Variants in EHBP1L1 observed in about 807,000 individuals in gnomAD.
EHBP1L1 encodes EH domain binding protein 1 like 1, also known as EH domain-binding protein 1-like protein 1.
In EHBP1L1, 122 loss-of-function variants were observed where a neutral mutation model predicts 151.1. That is an observed-to-expected ratio of 0.81 (90% CI 0.70 to 0.94). The LOEUF (loss-of-function observed/expected upper bound fraction) is 0.94. EHBP1L1 is among the 40% of genes least tolerant of loss of function. The pLI is 0.00. For synonymous variants in EHBP1L1, 878 were observed against 810.1 expected, an observed-to-expected ratio of 1.08 and a Z score of -1.42; for missense variants, 1,941 against 1,959.8, an observed-to-expected ratio of 0.99 and a Z score of 0.18.
At position 65,584,346 on chromosome 11, in the gene EHBP1L1, C is replaced by T. The variant is rs367938554; in HGVS notation, c.3199C>T (p.Arg1067Cys). ...CATCACCAACTTCACCACATCCTGG[C>T]GCAACGGCTTGGCCTTCTGTGCCAT... ...VRITNFTTSW[R>C]NGLAFCAILH... The change falls in exon 10 of 19, where the codon CGC (arginine) becomes TGC (cysteine). Residue 1067 changes from arginine (R) to cysteine (C), a missense_variant. Physicochemically the swap from Arg to Cys is radical, Grantham distance 180 (BLOSUM62 -3). Coordinates refer to ENST00000309295, the MANE Select transcript of EHBP1L1 (RefSeq NM_001099409.3). 43 of 1,610,214 alleles carry T rather than the reference C, an allele frequency of 2.7e-5. No individual in the cohort carries two copies. The highest frequency in any genetic ancestry group is 1.7e-4 in the Middle Eastern group (1 of 6,060).
At chr11:65,576,730 G>T (rs1186420247) in intron 1 of EHBP1L1, among the ~76,000 whole-genome samples, 1 of 152,158 alleles carries the variant, frequency 6.6e-6, no homozygotes, top group East Asian at 1.9e-4. Flanking sequence ...AGGTGGTTCA[G>T]GGTGGCATTG....
intron 11 of EHBP1L1, 32 bp from the exon 12 acceptor site, chr11:65,584,927 C>T (rs1432111700): frequency 2.9e-5 from 45 of 1,529,482 alleles, no homozygotes; most frequent in Non-Finnish European, 3.8e-5. Context: ...GGGCCACCGC[C>T]GCCGCTGACC....
Position 65,592,339 on chromosome 11 carries a change from C to G in EHBP1L1, c.*37C>G, listed in dbSNP as rs551987778. 472 of 1,349,910 alleles carry G rather than the reference C, an allele frequency of 3.5e-4. 6 individuals are homozygous for G. In the East Asian group the frequency reaches 0.015, roughly 43 times the overall value. The allele number at this position is 1,349,910 out of a possible 1,614,324, so 83.6% of individuals were successfully genotyped here. ...CGGGTGGCCCATAACTTCTCGCGTC[C>G]CCGGCGTCCGCCGCCGCCCCGGGCC... On this transcript the variant is annotated 3_prime_UTR_variant, in exon 19 of 19. Coordinates refer to ENST00000309295, the MANE Select transcript of EHBP1L1 (RefSeq NM_001099409.3).
Position 65,592,404 on chromosome 11 carries a change from G to A in EHBP1L1, c.*102G>A. On this transcript the variant is annotated 3_prime_UTR_variant, in exon 19 of 19. Transcript: ENST00000309295. ...CCCGGCCGTCCCGGAGGCCGCGCGC[G>A]TGTCCGCTAGGGGCCGCCGGCGCCC... The A allele has an allele frequency of 4.4e-6, 4 of 901,678 alleles. No homozygotes were observed. The highest frequency in any genetic ancestry group is 5.5e-6 in the Non-Finnish European group (4 of 727,322). The allele number at this position is 901,678 out of a possible 1,614,324, so 55.9% of individuals were successfully genotyped here.
rs1441493612 is a variant in EHBP1L1, at chr11:65,582,512, A to G, written c.1840A>G (p.Arg614Gly). 2 of 1,613,390 alleles carry G rather than the reference A, an allele frequency of 1.2e-6. No homozygotes were observed. The highest frequency in any genetic ancestry group is 1.7e-6 in the Non-Finnish European group (2 of 1,179,832). Reference protein sequence around the residue: ...ILGALEKEAARSRVLESEVAG... With the variant: ...ILGALEKEAAGSRVLESEVAG... Reference sequence around the variant, plus strand: ...GGGGGCCTTGGAGAAAGAAGCAGCAAGATCAAGGGTCCTGGAGTCAGAGGT... The same window carrying G: ...GGGGGCCTTGGAGAAAGAAGCAGCAGGATCAAGGGTCCTGGAGTCAGAGGT... Residue 614 changes from arginine (R) to glycine (G), a missense_variant, in exon 9 of 19, where the codon AGA becomes GGA. Transcript: ENST00000309295.
In EHBP1L1 at chr11:65,584,359, CCTT is replaced by C; in HGVS notation, c.3215_3217del (p.Phe1072del). 3.1e-6 allele frequency: 5 copies of C among 1,609,710 alleles called. No individual in the cohort carries two copies. Among genetic ancestry groups the C allele is most frequent in the South Asian group, 1.1e-5 (1 of 90,818 alleles). ...ACCACATCCTGGCGCAACGGCTTGGCCTTCTGTGCCATCCTGCACCGATTCTAC... is the reference window on the plus strand; with the variant it reads ...ACCACATCCTGGCGCAACGGCTTGGCCTGTGCCATCCTGCACCGATTCTAC... On this transcript the variant is annotated inframe_deletion, in exon 10 of 19. Coordinates refer to ENST00000309295, the MANE Select transcript of EHBP1L1 (RefSeq NM_001099409.3).
At chr11:65,576,515 C>T in intron 1 of EHBP1L1, 109 bp downstream of exon 1, 2 of 968,266 alleles carry the variant, frequency 2.1e-6, no homozygotes, top group Non-Finnish European at 1.5e-6. Context: ...AATGGGCCCC[C>T]ACCCCAGCTT....
chr11:65,583,907 C>T, intron 9 of EHBP1L1, 142 bp downstream of exon 9: 1 of 1,416,760 alleles, frequency 7.1e-7, no homozygotes, highest in Non-Finnish European at 9.2e-7. Flanking sequence ...CCCCTCATCC[C>T]CTCCTCTCTC....
intron 5 of EHBP1L1, 36 bp from the exon 6 acceptor site, chr11:65,580,301 C>G: frequency 1.2e-6 from 2 of 1,613,324 alleles, no homozygotes; most frequent in Non-Finnish European, 8.5e-7. Context: ...CCTGTGACCT[C>G]TGACTCCACC....
rs1003805269 is a variant in EHBP1L1, at chr11:65,592,507, T to C, written c.*205T>C. 9.1e-5 allele frequency: 21 copies of C among 231,592 alleles called. No individual in the cohort carries two copies. Among genetic ancestry groups the C allele is most frequent in the African/African-American group, 4.5e-4 (19 of 42,624 alleles). 14.3% of individuals were successfully genotyped at this position (231,592 alleles called of 1,614,324 possible). A position where few individuals can be genotyped will look rare whatever the true frequency, so the allele number is the denominator to read the frequency against. On this transcript the variant is annotated 3_prime_UTR_variant, in exon 19 of 19. Coordinates refer to ENST00000309295, the MANE Select transcript of EHBP1L1 (RefSeq NM_001099409.3). Reference sequence around the variant, plus strand: ...GTATTTATTTGTCACCGAGGGTGTGTGCGCGCTCGCGGCGGGTGCGGGGTC... The same window carrying C: ...GTATTTATTTGTCACCGAGGGTGTGCGCGCGCTCGCGGCGGGTGCGGGGTC...
At chr11:65,591,481 T>G (rs1858286239) in intron 16 of EHBP1L1, 10 of 461,858 alleles carry the variant, frequency 2.2e-5, no homozygotes, top group East Asian at 4.3e-5. Flanking sequence ...TTGCCTCCCT[T>G]TTGCGTTTGG....
In EHBP1L1 at chr11:65,583,718, T is replaced by C; in HGVS notation, c.3046T>C (p.Ser1016Pro). The change falls in exon 9 of 19, where the codon TCT becomes CCT. Residue 1016 changes from serine (S) to proline (P), a missense_variant. Coordinates refer to ENST00000309295, the MANE Select transcript of EHBP1L1 (RefSeq NM_001099409.3). Reference protein sequence around the residue: ...SGAGAGAPRASSPEKAEEDRR... With the variant: ...SGAGAGAPRAPSPEKAEEDRR... ...GGCAGGGGCTGGGGCGCCCAGGGCC[T>C]CTTCCCCAGAGAAGGCTGAAGAGGA... is the stretch of plus-strand genomic sequence containing the variant. 6.5e-7 allele frequency: 1 copy of C among 1,547,656 alleles called. No homozygotes were observed. Among genetic ancestry groups the C allele is most frequent in the East Asian group, 2.4e-5 (1 of 41,986 alleles).
intron 16 of EHBP1L1, 76 bp from the exon 17 acceptor site, chr11:65,591,724 G>A (rs959711362): frequency 2.5e-5 from 31 of 1,241,408 alleles, no homozygotes; most frequent in African/African-American, 4.5e-5. Context: ...AGTGGCCAGA[G>A]CCCTGGGCAC....
In EHBP1L1 at chr11:65,582,655, A is replaced by G; in HGVS notation, c.1983A>G (p.Ser661=). 1 of 1,613,686 alleles carries G rather than the reference A, an allele frequency of 6.2e-7. No individual in the cohort carries two copies. The highest frequency in any genetic ancestry group is 8.5e-7 in the Non-Finnish European group (1 of 1,179,856). Residue 661 remains serine (S), a synonymous_variant, in exon 9 of 19, where the codon TCA becomes TCG. Transcript: ENST00000309295. The stretch of plus-strand genomic sequence containing the variant: ...CCCAGAAAACAGAAGCTGGGGGTTC[A>G]GGAGTTTTGCAGACAAGAACTACGA... ...LGTQKTEAGG[S]GVLQTRTTIA...
chr11:65,578,867 CT>C (rs1554981277), intron 1 of EHBP1L1, among the ~76,000 whole-genome samples: 3 of 152,240 alleles, frequency 2.0e-5, no homozygotes. Context: ...GGCCTTTGCC[CT>C]TCTGCTCTGG....
At chr11:65,580,616 C>A in intron 6 of EHBP1L1, 137 bp downstream of exon 6, 1 of 1,148,754 alleles carries the variant, frequency 8.7e-7, no homozygotes, top group Non-Finnish European at 1.2e-6. Flanking sequence ...AACCCAGCAG[C>A]CTCAATTGTC....
At position 65,590,557 on chromosome 11, in the gene EHBP1L1, C is replaced by T. The variant is rs113817256; in HGVS notation, c.4248C>T (p.Asn1416=). 2.4e-5 allele frequency: 39 copies of T among 1,613,692 alleles called. No homozygotes were observed. Among genetic ancestry groups the T allele is most frequent in the African/African-American group, 5.3e-5 (4 of 75,058 alleles). The change falls in exon 16 of 19, where the codon AAC becomes AAT. Residue 1416 remains asparagine (N), a synonymous_variant. Transcript: ENST00000309295. ...QEWFTLVNKK[N]ALIRRQDQLQ... The stretch of plus-strand genomic sequence containing the variant: ...GGTTCACCCTGGTCAACAAGAAGAA[C>T]GCTCTCATCCGGAGGCAGGACCAGC...
intron 1 of EHBP1L1, 93 bp from the exon 2 acceptor site, chr11:65,578,985 G>C: frequency 7.8e-7 from 1 of 1,275,378 alleles, no homozygotes; most frequent in Non-Finnish European, 1.1e-6. Context: ...AAGACCCTGA[G>C]GGAGCTGGGG....
In EHBP1L1 at chr11:65,582,362, GC is replaced by G. The variant is rs758108461; in HGVS notation, c.1691del (p.Ala564ValfsTer14). The G allele has an allele frequency of 1.0e-5, 16 of 1,584,522 alleles. No homozygotes were observed. The highest frequency in any genetic ancestry group is 1.4e-5 in the African/African-American group (1 of 73,474). On this transcript the variant is annotated frameshift_variant, in exon 9 of 19. Transcript: ENST00000309295. LOFTEE classifies it high-confidence loss of function. ...GGGTCTGGGAGGCTGGGAGGCAGAA[GC>G]TGGGGGTTCAGGGGACCTGGAAACA... ...SRGLGGWEAE[A>X]GGSGDLETET... is the part of the protein sequence containing the mutation.
Sources: allele counts gnomAD v4.1 joint callset (sites outside exome capture counted in the v4.1 genomes callset), GRCh38; gene constraint gnomAD v4.1.1; transcripts MANE v1.5; gene names NCBI Gene and HGNC (gene_info 2026-07-23, HGNC 2026-07-21).